Variants in FNDC3A observed in about 807,000 individuals in gnomAD.
The protein encoded by FNDC3A is fibronectin type-III domain-containing protein 3A.
Under a neutral mutation model 148.9 loss-of-function variants are expected in FNDC3A, and 32 were observed. That is an observed-to-expected ratio of 0.21 (90% CI 0.16 to 0.29). FNDC3A has a LOEUF of 0.29. Among genes scored for constraint, FNDC3A ranks in the 10% least tolerant of loss-of-function variants. The pLI, the probability that FNDC3A is intolerant of heterozygous loss-of-function variation, is 1.00. For synonymous variants in FNDC3A, 472 were observed against 473.6 expected (o/e 1.00, Z 0.04); for missense variants, 1,191 against 1,452.8 (o/e 0.82, Z 2.93).
At chr13:49,020,143 C>T (rs1873210785) in intron 2 of FNDC3A, among the ~76,000 whole-genome samples, 3 of 152,044 alleles carry the variant, frequency 2.0e-5, no homozygotes, top group Admixed American at 2.0e-4. Context: ...CACTTATGAT[C>T]AGGCATTTGA....
intron 2 of FNDC3A, among the ~76,000 whole-genome samples, chr13:49,047,542 C>A (rs1161047171): frequency 6.6e-6 from 1 of 152,064 alleles, no homozygotes; most frequent in Non-Finnish European, 1.5e-5. Context: ...TTTCTCTGAT[C>A]ATTAGTGATG....
chr13:49,056,217 T>G (rs530627865), intron 2 of FNDC3A, among the ~76,000 whole-genome samples: 1 of 151,884 alleles, frequency 6.6e-6, no homozygotes, highest in African/African-American at 2.4e-5. Context: ...TTTAACTCTT[T>G]GTCAACACTA....
chr13:49,195,522 G>T (rs987302209), intron 19 of FNDC3A, among the ~76,000 whole-genome samples: 1 of 151,964 alleles, frequency 6.6e-6, no homozygotes, highest in Non-Finnish European at 1.5e-5. Flanking sequence ...GTTATTTTTA[G>T]GGCCTAATGG....
At chr13:49,141,673 A>G (rs1340519671) in intron 7 of FNDC3A, among the ~76,000 whole-genome samples, 1 of 152,218 alleles carries the variant, frequency 6.6e-6, no homozygotes, top group Non-Finnish European at 1.5e-5. Context: ...TTAGCTTCCT[A>G]GATATATACT....
intron 2 of FNDC3A, among the ~76,000 whole-genome samples, chr13:49,022,461 A>G (rs924909662): frequency 2.6e-5 from 4 of 152,180 alleles, no homozygotes; most frequent in Non-Finnish European, 5.9e-5. Flanking sequence ...TAATGTAAAA[A>G]CTTTAAAAAG....
At chr13:49,162,194 A>C (rs1057178290) in intron 8 of FNDC3A, among the ~76,000 whole-genome samples, 2 of 152,134 alleles carry the variant, frequency 1.3e-5, no homozygotes, top group Non-Finnish European at 2.9e-5. Flanking sequence ...TAATATCCTG[A>C]AGAGTGTTTT....
Position 49,207,172 on chromosome 13 carries a change from A to G in FNDC3A, c.3374A>G (p.Gln1125Arg), listed in dbSNP as rs1218010872. 6.2e-7 allele frequency: 1 copy of G among 1,614,148 alleles called. No individual in the cohort carries two copies. Among genetic ancestry groups the G allele is most frequent in the Non-Finnish European group, 8.5e-7 (1 of 1,179,996 alleles). ...RFRVCAIRQC[Q>R]DSLGHQDLVG... ...CGTGTATGTGCCATTCGCCAGTGCC[A>G]AGACTCTCTGGGACACCAGGACCTC... The change falls in exon 26 of 26, where the codon CAA (glutamine) becomes CGA (arginine). Residue 1125 changes from glutamine to arginine, a missense_variant. Around this residue, in one of 3 missense-constraint regions of FNDC3A, gnomAD observed 751 missense variants for 944.0 expected, o/e 0.80. Coordinates refer to ENST00000492622, the MANE Select transcript of FNDC3A (RefSeq NM_001079673.2).
intron 2 of FNDC3A, chr13:49,044,669 CAA>C (rs879523403): frequency 1.3e-3 from 253 of 187,472 alleles, no homozygotes; most frequent in South Asian, 2.4e-3. Flanking sequence ...GACTCTGTCT[CAA>C]AAAAAAAAAA....
Position 49,187,182 on chromosome 13 carries a change from G to T in FNDC3A, c.1817G>T (p.Gly606Val). The change falls in exon 16 of 26, where the codon GGT (glycine) becomes GTT (valine). Residue 606 changes from glycine (G) to valine (V), a missense_variant. By Grantham distance (109) the Gly-to-Val change is moderately radical. Around this residue, in one of 3 missense-constraint regions of FNDC3A, gnomAD observed 751 missense variants for 944.0 expected, o/e 0.80. Transcript: ENST00000492622. Reference sequence around the variant, plus strand: ...AAATATGTAGTGGAGATGGCAGAAGGTTCTAACGGTATGAATGGATATTAA... The same window carrying T: ...AAATATGTAGTGGAGATGGCAGAAGTTTCTAACGGTATGAATGGATATTAA... Reference protein sequence around the residue: ...INKYVVEMAEGSNGNKWEMIY... With the variant: ...INKYVVEMAEVSNGNKWEMIY... The T allele has an allele frequency of 6.2e-7, 1 of 1,605,312 alleles. No homozygotes were observed. Among genetic ancestry groups the T allele is most frequent in the Non-Finnish European group, 8.5e-7 (1 of 1,172,560 alleles).
At chr13:49,096,040 C>CT (rs1157919604) in intron 3 of FNDC3A, among the ~76,000 whole-genome samples, 4 of 152,052 alleles carry the variant, frequency 2.6e-5, no homozygotes, top group East Asian at 1.9e-4. Flanking sequence ...GATTCATTCT[C>CT]TAAGTTTTCC....
intron 8 of FNDC3A, among the ~76,000 whole-genome samples, chr13:49,160,893 G>A (rs894873107): frequency 1.3e-5 from 2 of 152,110 alleles, no homozygotes; most frequent in Non-Finnish European, 2.9e-5. Context: ...TAGTCATTCA[G>A]GAGGAGGTTG....
At chr13:49,042,581 GCCTAGGCAAGATAGTGAGA>G (rs1326295981) in intron 2 of FNDC3A, among the ~76,000 whole-genome samples, 1 of 151,990 alleles carries the variant, frequency 6.6e-6, no homozygotes, top group Non-Finnish European at 1.5e-5. Context: ...TTTAAGACCA[GCCTAGGCAAGATAGTGAGA>G]CCCTGTCAAA....
In FNDC3A at chr13:49,198,160, C is replaced by T. The variant is rs759398399; in HGVS notation, c.2669C>T (p.Ser890Leu). 4.3e-6 allele frequency: 7 copies of T among 1,614,112 alleles called. No individual in the cohort carries two copies. Among genetic ancestry groups the T allele is most frequent in the East Asian group, 2.2e-5 (1 of 44,880 alleles). ...ISWEKPCDHG[S>L]EILAYSIDFG... ...TGGGAAAAGCCTTGTGATCATGGTT[C>T]GGAAATCCTTGCCTACAGCATAGAC... is the stretch of plus-strand genomic sequence containing the variant. Residue 890 changes from serine (S) to leucine (L), a missense_variant, in exon 22 of 26, where the codon TCG becomes TTG. This residue lies in a region of FNDC3A where 751 missense variants were observed against 944.0 expected (regional missense o/e 0.80). Coordinates refer to ENST00000492622, the MANE Select transcript of FNDC3A (RefSeq NM_001079673.2).
intron 13 of FNDC3A, among the ~76,000 whole-genome samples, chr13:49,177,656 AT>A (rs1359677390): frequency 6.6e-6 from 1 of 152,242 alleles, no homozygotes; most frequent in Admixed American, 6.5e-5. Context: ...AGATAGATGG[AT>A]AAACAAAATG....
intron 2 of FNDC3A, among the ~76,000 whole-genome samples, chr13:49,010,975 G>C (rs1433096576): frequency 6.6e-6 from 1 of 152,038 alleles, no homozygotes; most frequent in Non-Finnish European, 1.5e-5. Flanking sequence ...GTTGAAATTT[G>C]TTCTTTTTAG....
At chr13:49,143,022 C>CTGT (rs1882776696) in intron 7 of FNDC3A, among the ~76,000 whole-genome samples, 2 of 152,072 alleles carry the variant, frequency 1.3e-5, no homozygotes, top group South Asian at 4.1e-4. Context: ...CATACACCAC[C>CTGT]ACGTCCAGAT....
At chr13:49,018,001 G>T (rs914192230) in intron 2 of FNDC3A, among the ~76,000 whole-genome samples, 2 of 152,096 alleles carry the variant, frequency 1.3e-5, no homozygotes, top group Non-Finnish European at 2.9e-5. Context: ...CCCTTTTTGG[G>T]TAACCCGACC....
chr13:49,006,263 A>G lies in FNDC3A; in HGVS notation c.73A>G (p.Ile25Val), dbSNP rs1320175612. Residue 25 changes from isoleucine to valine, a missense_variant, in exon 2 of 26, where the codon ATT (isoleucine) becomes GTT (valine). Transcript: ENST00000492622. The part of the protein sequence containing the change: ...SSDISLLSAP[I>V]VSADGTQQVI... ...TGATATTTCTCTTTTGTCTGCCCCT[A>G]TTGTAAGTGCAGATGGAACACAACA... is the stretch of plus-strand genomic sequence containing the variant. 5 of 1,605,180 alleles carry G rather than the reference A, an allele frequency of 3.1e-6. No homozygotes were observed. The Admixed American group carries it at 5.0e-5, about 16-fold the overall frequency.
chr13:49,090,667 T>C (rs1879129018), intron 3 of FNDC3A, among the ~76,000 whole-genome samples: 1 of 151,128 alleles, frequency 6.6e-6, no homozygotes, highest in South Asian at 2.1e-4. Flanking sequence ...CACTTTGTTT[T>C]CCCCCGTCTG....
Sources: gnomAD v4.1 joint callset for allele counts (sites outside exome capture counted in the v4.1 genomes callset) on GRCh38, gnomAD v4.1.1 for gene constraint, gnomAD v4.1.1 regional missense constraint, MANE v1.5 for transcripts, NCBI Gene and HGNC (gene_info 2026-07-23, HGNC 2026-07-21) for gene names.